The following UBA6 variants were observed in gnomAD, a reference collection of about 807,000 sequenced individuals.
UBA6 encodes the protein ubiquitin-like modifier-activating enzyme 6.
Under a neutral mutation model 148.3 loss-of-function variants are expected in UBA6, and 87 were observed. The observed-to-expected ratio is 0.59, with a 90% CI of 0.49 to 0.70. UBA6 has a LOEUF of 0.70. Among genes scored for constraint, UBA6 ranks in the 30% least tolerant of loss-of-function variants. The pLI is 0.00. For missense variants in UBA6, 1,186 were observed against 1,241.2 expected (o/e 0.96, Z 0.67); for synonymous variants, 376 against 401.0 (o/e 0.94, Z 0.75).
At chr4:67,664,374 A>G (rs1312373783) in intron 10 of UBA6, among the ~76,000 whole-genome samples, 1 of 152,138 alleles carries the variant, frequency 6.6e-6, no homozygotes, top group Non-Finnish European at 1.5e-5. Flanking sequence ...TATCCAATTA[A>G]AAATTGGAGA....
intron 17 of UBA6, among the ~76,000 whole-genome samples, chr4:67,643,756 ACTTAT>A (rs1483372477): frequency 3.3e-5 from 5 of 152,004 alleles, no homozygotes; most frequent in Non-Finnish European, 5.9e-5. Context: ...GTCCACATTA[ACTTAT>A]CTTGTTTTGT....
chr4:67,668,552 C>G lies in UBA6; in HGVS notation c.792G>C (p.Thr264=), dbSNP rs779947634. The change falls in exon 9 of 33, where the codon ACG becomes ACC. Residue 264 remains threonine (T), a splice_region_variant and synonymous_variant. Coordinates refer to ENST00000322244, the MANE Select transcript of UBA6 (RefSeq NM_018227.6). ...TGLNGSIQQI[T]VISPFSFSIG... ...AATTAATAAAACACATTGACTTACCCGTTATTTGTTGTATAGATCCATTTA... is the reference window on the plus strand; with the variant it reads ...AATTAATAAAACACATTGACTTACCGGTTATTTGTTGTATAGATCCATTTA... 1 of 1,607,892 alleles carries G rather than the reference C, an allele frequency of 6.2e-7. No individual in the cohort carries two copies. Among genetic ancestry groups the G allele is most frequent in the South Asian group, 1.1e-5 (1 of 90,186 alleles).
intron 2 of UBA6, 125 bp from the exon 3 acceptor site, chr4:67,682,338 G>A (rs79189425): frequency 3.0e-6 from 2 of 667,324 alleles, no homozygotes; most frequent in East Asian, 5.5e-5. Context: ...TGAATGATTT[G>A]CACAGTGTTT....
At position 67,617,606 on chromosome 4, in the gene UBA6, A is replaced by C. The variant is rs1488912538; in HGVS notation, c.*1391T>G. 1 of 152,146 alleles carries C rather than the reference A, an allele frequency of 6.6e-6. No homozygotes were observed. Among genetic ancestry groups the C allele is most frequent in the Admixed American group, 6.5e-5 (1 of 15,278 alleles). The allele number at this position is 152,146 out of a possible 1,614,324, so 9.4% of individuals were successfully genotyped here. A position where few individuals can be genotyped will look rare whatever the true frequency, so the allele number is the denominator to read the frequency against. On this transcript the variant is annotated 3_prime_UTR_variant, in exon 33 of 33. Transcript: ENST00000322244. ...AGGGAAACAATACAGCTGGTTGATA[A>C]AGTAATTTAAACTATTTGTAAATGA...
intron 2 of UBA6, among the ~76,000 whole-genome samples, chr4:67,695,913 T>C (rs1041656243): frequency 6.6e-6 from 1 of 152,166 alleles, no homozygotes; most frequent in Non-Finnish European, 1.5e-5. Context: ...TTAAAAAGTA[T>C]TCAAATTTCA....
intron 1 of UBA6, among the ~76,000 whole-genome samples, chr4:67,699,908 A>C (rs1730935464): frequency 6.6e-6 from 1 of 152,106 alleles, no homozygotes; most frequent in South Asian, 2.1e-4. Context: ...GCCCGGCCAA[A>C]GTTTTTTATT....
chr4:67,646,908 C>A (rs1211698956), intron 14 of UBA6, 117 bp from the exon 15 acceptor site: 1 of 347,114 alleles, frequency 2.9e-6, no homozygotes, highest in Non-Finnish European at 4.9e-6. Flanking sequence ...TAAGGCAATT[C>A]AGAGTAAAAT....
chr4:67,623,122 A>T lies in UBA6; in HGVS notation c.2928+13T>A. Reference sequence around the variant, plus strand: ...AAAGCTACTAATGAACTAAATGAACAAAAGTATCTCACTTTGACTGCATTT... The same window carrying T: ...AAAGCTACTAATGAACTAAATGAACTAAAGTATCTCACTTTGACTGCATTT... On this transcript the variant is annotated intron_variant, in intron 31 of 32. Transcript: ENST00000322244. 2 of 1,597,854 alleles carry T rather than the reference A, an allele frequency of 1.3e-6. No individual in the cohort carries two copies. The highest frequency in any genetic ancestry group is 1.7e-6 in the Non-Finnish European group (2 of 1,168,354).
intron 13 of UBA6, among the ~76,000 whole-genome samples, chr4:67,656,764 T>C (rs912944918): frequency 1.3e-5 from 2 of 152,178 alleles, no homozygotes; most frequent in Admixed American, 6.5e-5. Flanking sequence ...GATGACCTGA[T>C]TGTATATTTA....
chr4:67,678,786 G>C (rs886367913), intron 4 of UBA6, among the ~76,000 whole-genome samples: 1 of 152,220 alleles, frequency 6.6e-6, no homozygotes, highest in African/African-American at 2.4e-5. Context: ...GTGAATGAGC[G>C]ACTCTCATTA....
At chr4:67,671,339 A>G (rs577497403) in intron 7 of UBA6, among the ~76,000 whole-genome samples, 1 of 152,206 alleles carries the variant, frequency 6.6e-6, no homozygotes, top group South Asian at 2.1e-4. Flanking sequence ...TATTAAAATA[A>G]TTTATAATCC....
intron 16 of UBA6, among the ~76,000 whole-genome samples, chr4:67,644,985 G>C (rs931026487): frequency 3.9e-5 from 6 of 151,922 alleles, no homozygotes; most frequent in African/African-American, 1.5e-4. Context: ...AACTGCTTAT[G>C]TAAGATAGAA....
intron 7 of UBA6, 103 bp downstream of exon 7, chr4:67,673,594 A>T: frequency 1.7e-6 from 1 of 604,830 alleles, no homozygotes. Flanking sequence ...TGTGATTAAT[A>T]TGTAAAAAGT....
intron 32 of UBA6, among the ~76,000 whole-genome samples, chr4:67,619,459 T>A (rs1364118804): frequency 6.6e-6 from 1 of 152,150 alleles, no homozygotes; most frequent in Admixed American, 6.5e-5. Context: ...GCAGATCACC[T>A]CAGGTCAGGA....
intron 9 of UBA6, among the ~76,000 whole-genome samples, chr4:67,666,922 A>G (rs373200324): frequency 7.1e-4 from 108 of 152,104 alleles, no homozygotes; most frequent in African/African-American, 2.5e-3. Flanking sequence ...ACAAAACAAC[A>G]TTTTTTCATG....
At chr4:67,674,505 T>C (rs1730230090) in intron 6 of UBA6, among the ~76,000 whole-genome samples, 1 of 152,184 alleles carries the variant, frequency 6.6e-6, no homozygotes, top group Admixed American at 6.5e-5. Flanking sequence ...CTGAGCCCTC[T>C]GCCTTGAACT....
At chr4:67,688,845 A>G (rs929337548) in intron 2 of UBA6, among the ~76,000 whole-genome samples, 13 of 152,188 alleles carry the variant, frequency 8.5e-5, no homozygotes, top group Admixed American at 8.5e-4. Flanking sequence ...AAGGAAAATT[A>G]TAACCTAAGA....
intron 2 of UBA6, among the ~76,000 whole-genome samples, chr4:67,695,984 T>C (rs1398548284): frequency 6.6e-6 from 1 of 152,192 alleles, no homozygotes; most frequent in Non-Finnish European, 1.5e-5. Flanking sequence ...TATTCAATCA[T>C]ACAATACTTT....
intron 1 of UBA6, among the ~76,000 whole-genome samples, chr4:67,700,500 A>G (rs941083019): frequency 2.0e-5 from 3 of 151,624 alleles, no homozygotes; most frequent in African/African-American, 7.3e-5. Flanking sequence ...GGAAATAAGA[A>G]TGGGTAACTT....
Sources: gnomAD v4.1 joint callset for allele counts (sites outside exome capture counted in the v4.1 genomes callset) on GRCh38, gnomAD v4.1.1 for gene constraint, MANE v1.5 for transcripts, NCBI Gene and HGNC (gene_info 2026-07-23, HGNC 2026-07-21) for gene names.